METAP1: variants seen among roughly 807,000 people sequenced by gnomAD.
The protein encoded by METAP1 is methionyl aminopeptidase 1, also known as methionine aminopeptidase 1.
In METAP1, 28 loss-of-function variants were observed where a neutral mutation model predicts 53.8. The ratio of observed to expected loss-of-function variants is 0.52; its 90% CI spans 0.39 to 0.71. The LOEUF is 0.71. Ranked by LOEUF, METAP1 falls within the 30% of genes least tolerant of loss-of-function variation. The pLI is 0.00. For synonymous variants in METAP1, 181 were observed against 165.7 expected (o/e 1.09, Z -0.71); for missense variants, 389 against 479.8 (o/e 0.81, Z 1.77).
At chr4:99,050,706 T>A (rs1216072219) in intron 9 of METAP1, among the ~76,000 whole-genome samples, 2 of 152,280 alleles carry the variant, frequency 1.3e-5, no homozygotes, top group Admixed American at 1.3e-4. Context: ...GTTTGAACCC[T>A]GTTGTGAACT....
chr4:99,006,568 C>T (rs986791641), intron 1 of METAP1, among the ~76,000 whole-genome samples: 3 of 152,142 alleles, frequency 2.0e-5, no homozygotes, highest in Non-Finnish European at 4.4e-5. Context: ...TTTCTAATGA[C>T]AAGGGCATTC....
intron 4 of METAP1, 114 bp downstream of exon 4, chr4:99,035,574 G>A (rs371175706): frequency 2.0e-5 from 15 of 742,902 alleles, no homozygotes; most frequent in South Asian, 1.1e-4. Flanking sequence ...TCTAATAAAT[G>A]TGTTTTCAAG....
intron 1 of METAP1, among the ~76,000 whole-genome samples, chr4:99,007,450 A>G (rs1723229282): frequency 6.6e-6 from 1 of 152,114 alleles, no homozygotes; most frequent in Non-Finnish European, 1.5e-5. Context: ...GCATTTTCTC[A>G]ACAATCTTTC....
chr4:99,012,181 A>C (rs1378245613), intron 1 of METAP1, among the ~76,000 whole-genome samples: 2 of 150,734 alleles, frequency 1.3e-5, no homozygotes, highest in African/African-American at 4.9e-5. Flanking sequence ...ATTAATTTCT[A>C]ATATTTATTA....
intron 8 of METAP1, 49 bp from the exon 9 acceptor site, chr4:99,048,684 A>C: frequency 6.3e-7 from 1 of 1,575,296 alleles, no homozygotes. Context: ...GTAATTGCTT[A>C]GTACGTATTA....
intron 9 of METAP1, among the ~76,000 whole-genome samples, chr4:99,054,336 A>G (rs1378654361): frequency 6.6e-6 from 1 of 152,154 alleles, no homozygotes; most frequent in Non-Finnish European, 1.5e-5. Context: ...AAACCTCACG[A>G]ACCAACCTCT....
chr4:99,059,928 G>A (rs773833081), intron 10 of METAP1, among the ~76,000 whole-genome samples: 1 of 152,024 alleles, frequency 6.6e-6, no homozygotes, highest in Non-Finnish European at 1.5e-5. Context: ...TGTATAATCT[G>A]TTCTCACCAT....
intron 1 of METAP1, among the ~76,000 whole-genome samples, chr4:99,007,600 C>T (rs181062535): frequency 6.6e-6 from 1 of 151,436 alleles, no homozygotes; most frequent in Non-Finnish European, 1.5e-5. Flanking sequence ...TTTCCCTCAT[C>T]AACTGGTAAA....
At chr4:99,031,489 C>T (rs1229125064) in intron 2 of METAP1, 1 of 1,286,028 alleles carries the variant, frequency 7.8e-7, no homozygotes, top group East Asian at 5.6e-5. Context: ...CACTAGTGTG[C>T]CTGATTTTTG....
chr4:99,014,874 A>G (rs1162815857), intron 1 of METAP1, among the ~76,000 whole-genome samples: 2 of 152,176 alleles, frequency 1.3e-5, no homozygotes, highest in Non-Finnish European at 2.9e-5. Flanking sequence ...GAAATTTCCA[A>G]GGAATATTGA....
At chr4:99,038,869 A>G (rs1430730157) in intron 4 of METAP1, among the ~76,000 whole-genome samples, 1 of 152,140 alleles carries the variant, frequency 6.6e-6, no homozygotes, top group Non-Finnish European at 1.5e-5. Flanking sequence ...CCATTTTAAT[A>G]TTTTCTGTCC....
At chr4:99,051,986 C>G (rs1726748975) in intron 9 of METAP1, among the ~76,000 whole-genome samples, 1 of 152,160 alleles carries the variant, frequency 6.6e-6, no homozygotes, top group Non-Finnish European at 1.5e-5. Flanking sequence ...TGATAATACT[C>G]TGCATTTAAA....
chr4:99,031,124 T>A (rs796095576), intron 2 of METAP1, among the ~76,000 whole-genome samples: 12 of 147,650 alleles, frequency 8.1e-5, no homozygotes, highest in African/African-American at 2.2e-4. Context: ...TTTTTTTTTT[T>A]ACTTGTCATA....
chr4:99,040,618 G>C (rs1725786042), intron 5 of METAP1, among the ~76,000 whole-genome samples: 1 of 149,230 alleles, frequency 6.7e-6, no homozygotes, highest in African/African-American at 2.5e-5. Context: ...AGCCTCCTGA[G>C]TAGCTGGGAT....
At chr4:99,036,186 A>G (rs1725409207) in intron 4 of METAP1, 1 of 153,478 alleles carries the variant, frequency 6.5e-6, no homozygotes, top group Non-Finnish European at 1.5e-5. Context: ...GTCGACTCTC[A>G]GCAATTTTGT....
intron 2 of METAP1, among the ~76,000 whole-genome samples, chr4:99,030,361 A>G (rs1271927422): frequency 6.6e-6 from 1 of 152,202 alleles, no homozygotes; most frequent in Non-Finnish European, 1.5e-5. Flanking sequence ...GGTGATTATT[A>G]CAACACTGGA....
chr4:99,033,192 A>G (rs1392085348), intron 2 of METAP1, among the ~76,000 whole-genome samples: 2 of 152,114 alleles, frequency 1.3e-5, no homozygotes, highest in East Asian at 1.9e-4. Flanking sequence ...TAACATTTTA[A>G]GATTCCATCT....
At chr4:99,034,841 G>A (rs992180191) in intron 3 of METAP1, among the ~76,000 whole-genome samples, 1 of 152,086 alleles carries the variant, frequency 6.6e-6, no homozygotes, top group Non-Finnish European at 1.5e-5. Flanking sequence ...ATTTAGATAT[G>A]GCTTTTCTGC....
intron 2 of METAP1, among the ~76,000 whole-genome samples, chr4:99,033,635 C>CT (rs956620929): frequency 2.0e-5 from 3 of 152,160 alleles, no homozygotes; most frequent in African/African-American, 7.2e-5. Context: ...TTGTCTTTGC[C>CT]TTTTTCCTGC....
Sources: allele counts gnomAD v4.1 joint callset (sites outside exome capture counted in the v4.1 genomes callset), GRCh38; gene constraint gnomAD v4.1.1; transcripts MANE v1.5; gene names NCBI Gene and HGNC (gene_info 2026-07-23, HGNC 2026-07-21).